The following SHANK2 variants were observed in gnomAD, a reference collection of about 807,000 sequenced individuals.
The protein encoded by SHANK2 is SH3 and multiple ankyrin repeat domains protein 2.
A neutral mutation model predicts 133.7 loss-of-function variants in SHANK2; 43 were observed. The observed-to-expected ratio is 0.32, with a 90% CI of 0.25 to 0.41. The LOEUF is 0.41. SHANK2 is among the 10% of genes least tolerant of loss of function. SHANK2 has a pLI of 1.00. For missense variants in SHANK2, 1,994 were observed against 2,235.8 expected (o/e 0.89, Z 2.18); for synonymous variants, 1,017 against 952.8 (o/e 1.07, Z -1.24).
chr11:70,722,632 T>C (rs941922998), intron 14 of SHANK2, among the ~76,000 whole-genome samples: 5 of 152,206 alleles, frequency 3.3e-5, no homozygotes, highest in Non-Finnish European at 2.9e-5. Context: ...TTGCACATCA[T>C]TGTTTGAAAA....
chr11:70,609,173 C>G (rs782548994), intron 17 of SHANK2, among the ~76,000 whole-genome samples: 1 of 152,212 alleles, frequency 6.6e-6, no homozygotes, highest in Non-Finnish European at 1.5e-5. Flanking sequence ...AAGCCCTGCT[C>G]GGACAATGCT....
rs1050347907 is a variant in SHANK2, at chr11:70,528,774, G to A, written c.2062-25843C>T. ...GTGGGGGAGATCACCTACGCCAAGT[G>A]GGGGAGGGTGAAAGGTGAAGGGGGG... On this transcript the variant is annotated intron_variant, in intron 17 of 25. Transcript: ENST00000601538. Among the ~76,000 whole-genome samples, 87 of 152,154 alleles carry A rather than the reference G, an allele frequency of 5.7e-4. 1 individual carries two copies. The highest frequency in any genetic ancestry group is 8.4e-4 in the Non-Finnish European group (57 of 67,972).
intron 2 of SHANK2, among the ~76,000 whole-genome samples, chr11:71,167,919 G>A (rs1489381266): frequency 1.4e-5 from 2 of 147,856 alleles, no homozygotes; most frequent in African/African-American, 2.5e-5. Flanking sequence ...GTCCGGGCGG[G>A]GGGCTGACCC....
intron 15 of SHANK2, chr11:70,667,734 C>A (rs1362296105): frequency 6.6e-6 from 1 of 152,236 alleles, no homozygotes; most frequent in African/African-American, 2.4e-5. Context: ...GGAAGCCAGG[C>A]CTGAGCTGGC....
intron 8 of SHANK2, among the ~76,000 whole-genome samples, chr11:71,076,771 G>C (rs1036178980): frequency 1.3e-5 from 2 of 152,226 alleles, no homozygotes; most frequent in Non-Finnish European, 1.5e-5. Flanking sequence ...AGAGGCACAG[G>C]ACATAGGCAG....
At chr11:70,826,609 G>C in intron 11 of SHANK2, 1 of 458,070 alleles carries the variant, frequency 2.2e-6, no homozygotes, top group Non-Finnish European at 4.6e-6. Flanking sequence ...GCTGGGACCC[G>C]GGGAGAGGTG....
chr11:71,216,328 G>A (rs2135710861), intron 2 of SHANK2, among the ~76,000 whole-genome samples: 1 of 152,304 alleles, frequency 6.6e-6, no homozygotes, highest in East Asian at 1.9e-4. Context: ...ACGTGGTCAA[G>A]CCTTGAAAAC....
intron 14 of SHANK2, among the ~76,000 whole-genome samples, chr11:70,736,329 C>A (rs1946402464): frequency 4.6e-5 from 7 of 152,128 alleles, no homozygotes. Flanking sequence ...GTGACTGTAC[C>A]CTAGCCCCCG....
chr11:70,714,928 C>T (rs960819955), intron 14 of SHANK2, among the ~76,000 whole-genome samples: 3 of 152,062 alleles, frequency 2.0e-5, no homozygotes, highest in South Asian at 4.2e-4. Flanking sequence ...GCCTCAGCCT[C>T]CCGAGTAGCT....
chr11:70,562,221 T>A (rs531635365), intron 17 of SHANK2, among the ~76,000 whole-genome samples: 2 of 152,218 alleles, frequency 1.3e-5, no homozygotes, highest in African/African-American at 2.4e-5. Context: ...TAAAATATGG[T>A]TTATCTTAAT....
intron 2 of SHANK2, among the ~76,000 whole-genome samples, chr11:71,219,615 G>A (rs1359119850): frequency 6.6e-6 from 1 of 152,156 alleles, no homozygotes; most frequent in Non-Finnish European, 1.5e-5. Flanking sequence ...AACAGGCCAG[G>A]TGTGATGGCT....
At chr11:71,137,186 T>C (rs1197863169) in intron 3 of SHANK2, among the ~76,000 whole-genome samples, 3 of 151,010 alleles carry the variant, frequency 2.0e-5, no homozygotes, top group Non-Finnish European at 4.4e-5. Context: ...TTAAAGTAAG[T>C]AAATCCTATA....
intron 15 of SHANK2, among the ~76,000 whole-genome samples, chr11:70,671,005 C>T (rs558814006): frequency 3.3e-5 from 5 of 152,314 alleles, no homozygotes; most frequent in East Asian, 1.9e-4. Flanking sequence ...ACGCCCTGCC[C>T]GGCGCTTATT....
intron 10 of SHANK2, chr11:70,933,102 C>T (rs539839525): frequency 1.9e-4 from 88 of 456,322 alleles, no homozygotes; most frequent in South Asian, 7.0e-4. Flanking sequence ...AGCCAGAAGG[C>T]GGGAGCAGCT....
chr11:70,865,102 T>C (rs1455022676), intron 11 of SHANK2: 1 of 152,178 alleles, frequency 6.6e-6, no homozygotes, highest in African/African-American at 2.4e-5. Flanking sequence ...GAAATAAATA[T>C]GTATTTTTTA....
chr11:70,898,880 G>A (rs1555076257), intron 10 of SHANK2, among the ~76,000 whole-genome samples: 1 of 152,228 alleles, frequency 6.6e-6, no homozygotes, highest in Admixed American at 6.5e-5. Context: ...ATAAAAGCAG[G>A]AACTCTGCCA....
chr11:70,942,620 G>C, intron 10 of SHANK2: 1 of 456,888 alleles, frequency 2.2e-6, no homozygotes, highest in Non-Finnish European at 4.4e-6. Context: ...CAGACTAGCA[G>C]AGTGTCATTT....
intron 9 of SHANK2, among the ~76,000 whole-genome samples, chr11:71,060,785 A>G (rs1950977875): frequency 6.6e-6 from 1 of 152,170 alleles, no homozygotes; most frequent in South Asian, 2.1e-4. Flanking sequence ...CTAGAAGCCC[A>G]TGGTGTTTCA....
intron 17 of SHANK2, among the ~76,000 whole-genome samples, chr11:70,560,336 A>T (rs539829484): frequency 6.6e-6 from 1 of 152,340 alleles, no homozygotes; most frequent in Non-Finnish European, 1.5e-5. Context: ...AGATGTGCCA[A>T]GACCTGTATA....
Sources: gnomAD v4.1 joint callset for allele counts (sites outside exome capture counted in the v4.1 genomes callset) on GRCh38, gnomAD v4.1.1 for gene constraint, MANE v1.5 for transcripts, NCBI Gene and HGNC (gene_info 2026-07-23, HGNC 2026-07-21) for gene names.